STK32B: variants seen among roughly 807,000 people sequenced by gnomAD.
STK32B encodes the protein serine/threonine kinase 32B, also known as serine/threonine-protein kinase 32B.
A neutral mutation model predicts 52.6 loss-of-function variants in STK32B; 43 were observed. That is an observed-to-expected ratio of 0.82 (90% CI 0.64 to 1.05). STK32B has a LOEUF of 1.05. Among genes scored for constraint, STK32B ranks in the 50% least tolerant of loss-of-function variants. STK32B has a pLI of 0.00. For missense variants in STK32B, 621 were observed against 534.6 expected, an observed-to-expected ratio of 1.16 and a Z score of -1.59; for synonymous variants, 238 against 204.3, an observed-to-expected ratio of 1.17 and a Z score of -1.41.
intron 1 of STK32B, among the ~76,000 whole-genome samples, chr4:5,055,483 C>T (rs1260383760): frequency 2.0e-5 from 3 of 152,116 alleles, no homozygotes; most frequent in African/African-American, 4.8e-5. Flanking sequence ...AATGCAGCAT[C>T]CAGAGTGATC....
intron 3 of STK32B, among the ~76,000 whole-genome samples, chr4:5,202,350 A>G (rs1271436357): frequency 1.3e-5 from 2 of 152,216 alleles, no homozygotes; most frequent in Admixed American, 1.3e-4. Context: ...TTGAGGGTGT[A>G]GTCCCCATGT....
intron 4 of STK32B, among the ~76,000 whole-genome samples, chr4:5,367,751 G>A (rs563173929): frequency 2.7e-4 from 41 of 152,180 alleles, no homozygotes; most frequent in Non-Finnish European, 4.7e-4. Flanking sequence ...ATCCTTTCCC[G>A]TTTGTGCCAT....
chr4:5,205,275 T>C (rs571058561), intron 3 of STK32B, among the ~76,000 whole-genome samples: 7 of 152,332 alleles, frequency 4.6e-5, no homozygotes, highest in African/African-American at 1.7e-4. Flanking sequence ...CTAGCTTTTC[T>C]GGTGTCCAGC....
chr4:5,229,071 A>G (rs1372804794), intron 3 of STK32B, among the ~76,000 whole-genome samples: 5 of 152,228 alleles, frequency 3.3e-5, no homozygotes, highest in African/African-American at 1.2e-4. Context: ...AAAATACTTT[A>G]TTGCTAAAAT....
In STK32B at chr4:5,058,289, T is replaced by A. The variant is rs1361026125; in HGVS notation, c.52+6374T>A. ...GCACACACACAAAATTATACCTCCTTGTCCCCTTGAAGTTATGTGAGACCA... is the reference window on the plus strand; with the variant it reads ...GCACACACACAAAATTATACCTCCTAGTCCCCTTGAAGTTATGTGAGACCA... On this transcript the variant is annotated intron_variant, in intron 1 of 11. Coordinates refer to ENST00000282908, the MANE Select transcript of STK32B (RefSeq NM_018401.3). This position sits in a 1 kb window ranked among gnomAD's most constrained non-coding sequence, Gnocchi z 4.8. Among the ~76,000 whole-genome samples the A allele has an allele frequency of 6.6e-6, 1 of 152,232 alleles. No individual in the cohort carries two copies. The highest frequency in any genetic ancestry group is 1.5e-5 in the Non-Finnish European group (1 of 68,042).
intron 11 of STK32B, among the ~76,000 whole-genome samples, chr4:5,480,166 T>C (rs1718573044): frequency 6.6e-6 from 1 of 152,236 alleles, no homozygotes; most frequent in Admixed American, 6.5e-5. Flanking sequence ...TTCAATTAAG[T>C]ATTGTGTCAG....
the STK32B span, among the ~76,000 whole-genome samples, chr4:5,025,222 C>A: frequency 4.6e-5 from 7 of 152,128 alleles, no homozygotes; most frequent in African/African-American, 1.4e-4. Context: ...CCAGCAGGAA[C>A]CTTTTGTTGG....
intron 4 of STK32B, among the ~76,000 whole-genome samples, chr4:5,340,410 G>A (rs1413080978): frequency 6.6e-6 from 1 of 152,252 alleles, no homozygotes; most frequent in Admixed American, 6.5e-5. Flanking sequence ...AAGGAATGCA[G>A]AAGGCACTGG....
intron 3 of STK32B, among the ~76,000 whole-genome samples, chr4:5,293,260 G>A (rs1363572284): frequency 6.6e-6 from 1 of 152,040 alleles, no homozygotes; most frequent in Non-Finnish European, 1.5e-5. Context: ...ATGTGTGCAT[G>A]TGTCTTTATA....
intron 1 of STK32B, among the ~76,000 whole-genome samples, chr4:5,124,583 C>T (rs1395562036): frequency 6.6e-6 from 1 of 152,214 alleles, no homozygotes; most frequent in Non-Finnish European, 1.5e-5. Flanking sequence ...CTTAACTCTA[C>T]AGGGACACTA....
chr4:5,235,487 A>G (rs946750428), intron 3 of STK32B, among the ~76,000 whole-genome samples: 1 of 152,204 alleles, frequency 6.6e-6, no homozygotes, highest in African/African-American at 2.4e-5. Flanking sequence ...CACTTAGACT[A>G]GTACAAGGTA....
chr4:5,265,199 G>A (rs987662200), intron 3 of STK32B, among the ~76,000 whole-genome samples: 1 of 152,122 alleles, frequency 6.6e-6, no homozygotes, highest in Non-Finnish European at 1.5e-5. Flanking sequence ...TTGGTCCTTC[G>A]TTAGAATCTG....
Position 5,331,463 on chromosome 4 carries a change from G to C in STK32B, c.434+70G>C. The C allele has an allele frequency of 2.0e-6, 3 of 1,494,862 alleles. No homozygotes were observed. The South Asian group carries it at 4.0e-5, about 20-fold the overall frequency. 92.6% of individuals were successfully genotyped at this position (1,494,862 alleles called of 1,614,324 possible). A position where few individuals can be genotyped will look rare whatever the true frequency, so the allele number is the denominator to read the frequency against. On this transcript the variant is annotated intron_variant, in intron 4 of 11. Transcript: ENST00000282908. Reference sequence around the variant, plus strand: ...GCTAGGGTGTCAGGAGCAGTCTGCAGTAGTGGGGAGAGAATTTTGTCCTTG... The same window carrying C: ...GCTAGGGTGTCAGGAGCAGTCTGCACTAGTGGGGAGAGAATTTTGTCCTTG...
chr4:5,204,610 C>T (rs1333473109), intron 3 of STK32B, among the ~76,000 whole-genome samples: 1 of 152,048 alleles, frequency 6.6e-6, no homozygotes, highest in African/African-American at 2.4e-5. Context: ...GCTGGGACTA[C>T]AGGTGGCTGC....
At chr4:5,388,468 T>C (rs902493540) in intron 4 of STK32B, among the ~76,000 whole-genome samples, 1 of 152,200 alleles carries the variant, frequency 6.6e-6, no homozygotes, top group African/African-American at 2.4e-5. Context: ...CTGCTGTTCA[T>C]GTGTGAGGGG....
intron 3 of STK32B, among the ~76,000 whole-genome samples, chr4:5,211,714 G>C (rs1045429999): frequency 6.6e-6 from 1 of 152,128 alleles, no homozygotes; most frequent in African/African-American, 2.4e-5. Context: ...ATCCTCTCTG[G>C]GGAAGAAAGA....
chr4:5,119,942 C>G (rs1204645343), intron 1 of STK32B, among the ~76,000 whole-genome samples: 2 of 152,166 alleles, frequency 1.3e-5, no homozygotes, highest in African/African-American at 4.8e-5. Context: ...GTACATTAGT[C>G]CCCCTTATCT....
At chr4:5,138,098 A>G (rs1441804117) in intron 1 of STK32B, among the ~76,000 whole-genome samples, 2 of 152,200 alleles carry the variant, frequency 1.3e-5, no homozygotes, top group Non-Finnish European at 2.9e-5. Flanking sequence ...TCTTTGGTGA[A>G]TGAGTAAGAA....
At chr4:5,328,711 C>G (rs919089741) in intron 3 of STK32B, among the ~76,000 whole-genome samples, 28 of 152,202 alleles carry the variant, frequency 1.8e-4, no homozygotes, top group African/African-American at 6.5e-4. Flanking sequence ...GAGATACAAA[C>G]TGAGCACATG....
Sources: gnomAD v4.1 joint callset for allele counts (sites outside exome capture counted in the v4.1 genomes callset) on GRCh38, gnomAD v4.1.1 for gene constraint, Gnocchi (gnomAD v3.1) non-coding constraint, MANE v1.5 for transcripts, NCBI Gene and HGNC (gene_info 2026-07-23, HGNC 2026-07-21) for gene names.